JADE3: variants seen among roughly 807,000 people sequenced by gnomAD.
The protein encoded by JADE3 is protein Jade-3.
In JADE3, 2 loss-of-function variants were observed where a neutral mutation model predicts 50.1. The ratio of observed to expected loss-of-function variants is 0.04; its 90% CI spans 0.02 to 0.13. The LOEUF is 0.13. Among genes scored for constraint, JADE3 ranks in the 10% least tolerant of loss-of-function variants. The probability of loss-of-function intolerance (pLI) is 1.00; values close to 1 mark genes in which losing one functional copy is unlikely to be tolerated. For missense variants in JADE3, 475 were observed against 634.4 expected (o/e 0.75, Z 2.70); for synonymous variants, 218 against 232.9 (o/e 0.94, Z 0.58).
At chrX:46,956,997 T>A (rs186624879) in intron 1 of JADE3, among the ~76,000 whole-genome samples, 10 of 109,729 alleles carry the variant, frequency 9.1e-5, no homozygotes, top group South Asian at 7.9e-4. Context: ...AATTTTTTTT[T>A]AATTTTTGGT....
chrX:46,957,724 G>C (rs782617379), intron 1 of JADE3, among the ~76,000 whole-genome samples: 1 of 111,969 alleles, frequency 8.9e-6, no homozygotes, highest in African/African-American at 3.2e-5. Flanking sequence ...CAGATTTTAG[G>C]TTCCTTTTGT....
At chrX:46,999,624 T>C (rs1556358514) in intron 4 of JADE3, among the ~76,000 whole-genome samples, 1 of 109,012 alleles carries the variant, frequency 9.2e-6, no homozygotes, top group Non-Finnish European at 1.9e-5. Flanking sequence ...AATGATTGAG[T>C]TGACTCTAAG....
intron 6 of JADE3, 32 bp downstream of exon 6, chrX:47,028,135 C>T (rs781983178): frequency 5.8e-6 from 6 of 1,039,163 alleles, no homozygotes; most frequent in South Asian, 2.0e-5. Flanking sequence ...CATCTCCCTA[C>T]GGTCAGCCTT....
rs782580309 is a variant in JADE3, at chrX:47,057,840, C to T, written c.1562-327C>T. On this transcript the variant is annotated intron_variant, in intron 10 of 10. Transcript: ENST00000614628. ...ACAAATAGGAAGACCCTATTCTAAA[C>T]CATTGCTAGAGACATTCTTCTCAGA... is the stretch of plus-strand genomic sequence containing the variant. Among the ~76,000 whole-genome samples the T allele has an allele frequency of 1.1e-4, 12 of 111,840 alleles. No individual in the cohort carries two copies. In the South Asian group the frequency reaches 1.5e-3, roughly 14 times the overall value.
In JADE3 at chrX:47,059,307, A is replaced by G. The variant is rs782052970; in HGVS notation, c.*230A>G. The G allele has an allele frequency of 5.5e-5, 20 of 361,645 alleles. No individual in the cohort carries two copies. In the South Asian group the frequency reaches 1.3e-3, roughly 24 times the overall value. The allele number at this position is 361,645 out of a possible 1,213,427, so 29.8% of individuals were successfully genotyped here. On this transcript the variant is annotated 3_prime_UTR_variant, in exon 11 of 11. Transcript: ENST00000614628. The stretch of plus-strand genomic sequence containing the variant: ...GGTTGGTTTGTCAGAGGCTATTGGG[A>G]ACAGCTGGGCCCAGGGTATTTGCTC...
chrX:47,018,816 C>A (rs1928732661), intron 4 of JADE3, among the ~76,000 whole-genome samples: 1 of 111,623 alleles, frequency 9.0e-6, no homozygotes, highest in African/African-American at 3.3e-5. Flanking sequence ...CTTCCCTCTG[C>A]TCCATGATGT....
chrX:46,947,640 T>A (rs1926912172), intron 1 of JADE3, among the ~76,000 whole-genome samples: 1 of 111,711 alleles, frequency 9.0e-6, no homozygotes, highest in Non-Finnish European at 1.9e-5. Flanking sequence ...ATTGATGAGC[T>A]TTTTTGGCTC....
chrX:46,949,094 C>T (rs957489706), intron 1 of JADE3, among the ~76,000 whole-genome samples: 13 of 110,165 alleles, frequency 1.2e-4, no homozygotes, highest in East Asian at 2.8e-4. Context: ...CCACCATGCC[C>T]GGCTAATTTT....
intron 1 of JADE3, among the ~76,000 whole-genome samples, chrX:46,981,401 T>G: frequency 8.9e-6 from 1 of 112,271 alleles, no homozygotes; most frequent in South Asian, 3.7e-4. Context: ...TGGGGAATAG[T>G]TAGAAAATGT....
intron 1 of JADE3, among the ~76,000 whole-genome samples, chrX:46,941,391 A>G (rs782330237): frequency 9.0e-6 from 1 of 111,429 alleles, no homozygotes; most frequent in Non-Finnish European, 1.9e-5. Flanking sequence ...TTATGGTAGA[A>G]TAATTTATTT....
chrX:46,975,262 T>G (rs908045763), intron 1 of JADE3, among the ~76,000 whole-genome samples: 2 of 112,500 alleles, frequency 1.8e-5, no homozygotes, highest in Admixed American at 1.9e-4. Context: ...TCAAGTCAGC[T>G]GAATCATTTG....
At chrX:47,047,082 A>G (rs1218548490) in intron 8 of JADE3, among the ~76,000 whole-genome samples, 1 of 111,792 alleles carries the variant, frequency 8.9e-6, no homozygotes, top group Non-Finnish European at 1.9e-5. Flanking sequence ...CTAAAATCCC[A>G]GTGCTTTGGG....
At chrX:47,055,341 G>GT (rs1428168521) in intron 9 of JADE3, among the ~76,000 whole-genome samples, 30 of 109,863 alleles carry the variant, frequency 2.7e-4, no homozygotes, top group South Asian at 1.2e-3. Context: ...AATGGCTTGT[G>GT]TTTTTTTTTC....
intron 1 of JADE3, among the ~76,000 whole-genome samples, chrX:46,944,032 T>A (rs1556342781): frequency 9.0e-6 from 1 of 111,202 alleles, no homozygotes; most frequent in Admixed American, 9.6e-5. Context: ...TCTCTTGTAT[T>A]TCTGTGGGGT....
chrX:47,013,783 G>A (rs1460153513), intron 4 of JADE3, among the ~76,000 whole-genome samples: 2 of 112,282 alleles, frequency 1.8e-5, no homozygotes, highest in Non-Finnish European at 3.8e-5. Context: ...CTGGAGCATT[G>A]TTGTGATAGC....
At chrX:47,023,829 C>T (rs1928848970) in intron 4 of JADE3, among the ~76,000 whole-genome samples, 1 of 112,217 alleles carries the variant, frequency 8.9e-6, no homozygotes. Context: ...TCACTTGAAC[C>T]CGGGAGGCGG....
At chrX:46,959,390 C>T (rs970227454) in intron 1 of JADE3, among the ~76,000 whole-genome samples, 5 of 111,966 alleles carry the variant, frequency 4.5e-5, no homozygotes, top group Non-Finnish European at 9.4e-5. Flanking sequence ...GGGAGTGAGC[C>T]CTGATTCATT....
intron 1 of JADE3, among the ~76,000 whole-genome samples, chrX:46,969,186 C>T (rs202226143): frequency 1.2e-4 from 14 of 112,431 alleles, no homozygotes; most frequent in Non-Finnish European, 2.6e-4. Context: ...GAGGCCAAGG[C>T]GGACAGATCA....
At chrX:47,044,927 C>A (rs1556370376) in intron 8 of JADE3, among the ~76,000 whole-genome samples, 1 of 111,258 alleles carries the variant, frequency 9.0e-6, no homozygotes, top group African/African-American at 3.3e-5. Context: ...CAAAAACATA[C>A]AACAGATACA....
Sources: gnomAD v4.1 joint callset for allele counts (sites outside exome capture counted in the v4.1 genomes callset) on GRCh38, gnomAD v4.1.1 for gene constraint, MANE v1.5 for transcripts, NCBI Gene and HGNC (gene_info 2026-07-23, HGNC 2026-07-21) for gene names.